SRGAP3: variants seen among roughly 807,000 people sequenced by gnomAD.
The protein encoded by SRGAP3 is SLIT-ROBO Rho GTPase-activating protein 3.
In SRGAP3, 39 loss-of-function variants were observed where a neutral mutation model predicts 121.1. The ratio of observed to expected loss-of-function variants is 0.32; its 90% confidence interval spans 0.25 to 0.42. SRGAP3 has a LOEUF of 0.42. SRGAP3 is among the 10% of genes least tolerant of loss of function. SRGAP3 has a pLI of 1.00. For synonymous variants in SRGAP3, 601 were observed against 570.0 expected, an observed-to-expected ratio of 1.05 and a Z score of -0.77; for missense variants, 1,213 against 1,470.6, an observed-to-expected ratio of 0.82 and a Z score of 2.86.
At position 9,261,440 on chromosome 3, in the gene SRGAP3, C is replaced by CT. The variant is rs375922481; in HGVS notation, n.442+64569dup. Reference sequence around the variant, plus strand: ...CATGTTCTAACTAAATGCAAGGAAACTAAGAACCTTGATAAAAGGTTACAG... The same window carrying CT: ...CATGTTCTAACTAAATGCAAGGAAACTTAAGAACCTTGATAAAAGGTTACAG... On this transcript the variant is annotated intron_variant and non_coding_transcript_variant, in intron 3 of 3. Coordinates refer to the SRGAP3 transcript ENST00000490889. 2.0e-3 allele frequency among the ~76,000 whole-genome samples: 305 copies of CT among 151,798 alleles called. 1 individual carries two copies. Among genetic ancestry groups the CT allele is most frequent in the African/African-American group, 6.9e-3 (285 of 41,402 alleles).
intron 1 of SRGAP3, among the ~76,000 whole-genome samples, chr3:9,140,221 G>C (rs1949801830): frequency 6.6e-6 from 1 of 151,986 alleles, no homozygotes; most frequent in Admixed American, 6.6e-5. Context: ...CTTGGATACG[G>C]CATAACTATG....
intron 3 of SRGAP3, among the ~76,000 whole-genome samples, chr3:9,284,547 T>G (rs1261722449): frequency 6.6e-6 from 1 of 152,160 alleles, no homozygotes; most frequent in African/African-American, 2.4e-5. Context: ...AAAATAGTTC[T>G]GGGCTGGGTG....
rs866945503 is a variant in SRGAP3, at chr3:9,218,694, G to C, written c.67+30191C>G. 1.3e-5 allele frequency: 2 copies of C among 151,560 alleles called. No homozygotes were observed. Among genetic ancestry groups the C allele is most frequent in the African/African-American group, 4.8e-5 (2 of 41,362 alleles). The allele number at this position is 151,560 out of a possible 1,614,324, so 9.4% of individuals were successfully genotyped here. On this transcript the variant is annotated intron_variant, in intron 1 of 21. Coordinates refer to ENST00000383836, the MANE Select transcript of SRGAP3 (RefSeq NM_014850.4). This position sits in a 1 kb window ranked among gnomAD's most constrained non-coding sequence, Gnocchi z 5.3. ...TTATTTATTTACTTTTTGAGATGGAGTCTCACTCTGTTGCCCAGGCTGGAG... is the reference window on the plus strand; with the variant it reads ...TTATTTATTTACTTTTTGAGATGGACTCTCACTCTGTTGCCCAGGCTGGAG...
chr3:9,044,931 A>G (rs1945186226), intron 10 of SRGAP3, among the ~76,000 whole-genome samples: 1 of 152,126 alleles, frequency 6.6e-6, no homozygotes, highest in Non-Finnish European at 1.5e-5. Flanking sequence ...ATCTACCTGT[A>G]TCTTTATCGT....
intron 2 of SRGAP3, among the ~76,000 whole-genome samples, chr3:9,123,756 A>ATGTGTGTGTG (rs1949112651): frequency 8.2e-6 from 1 of 122,220 alleles, no homozygotes; most frequent in Admixed American, 8.3e-5. Context: ...GTGTGTGTGT[A>ATGTGTGTGTG]TGTGTGTATA....
intron 1 of SRGAP3, among the ~76,000 whole-genome samples, chr3:9,181,311 C>G (rs1393367660): frequency 6.6e-6 from 1 of 152,114 alleles, no homozygotes; most frequent in Non-Finnish European, 1.5e-5. Context: ...AAGGGCCAGC[C>G]AAATGGGAAG....
At chr3:9,099,392 T>C (rs1432276453) in intron 3 of SRGAP3, among the ~76,000 whole-genome samples, 4 of 152,270 alleles carry the variant, frequency 2.6e-5, no homozygotes, top group African/African-American at 7.2e-5. Flanking sequence ...CATAGAATAA[T>C]GGATGGCTAT....
chr3:9,283,271 G>A (rs1226991962), intron 3 of SRGAP3, among the ~76,000 whole-genome samples: 2 of 152,134 alleles, frequency 1.3e-5, no homozygotes, highest in African/African-American at 4.8e-5. Context: ...GTTGCATGTA[G>A]AATCTGAAAC....
At chr3:9,010,173 T>C (rs1943291613) in intron 18 of SRGAP3, 135 bp downstream of exon 18, 5 of 1,069,696 alleles carry the variant, frequency 4.7e-6, no homozygotes, top group East Asian at 2.6e-5. Flanking sequence ...GGGGTCTTCG[T>C]CTATTCTGAA....
At chr3:9,136,326 G>GT (rs1949649742) in intron 1 of SRGAP3, among the ~76,000 whole-genome samples, 1 of 152,008 alleles carries the variant, frequency 6.6e-6, no homozygotes, top group Non-Finnish European at 1.5e-5. Flanking sequence ...CAGCGCCGGG[G>GT]CTGGAGGCAG....
chr3:9,112,635 G>A (rs1948671762), intron 2 of SRGAP3, among the ~76,000 whole-genome samples: 2 of 152,314 alleles, frequency 1.3e-5, no homozygotes. Flanking sequence ...GGGGAAGGCG[G>A]AGGGGAGGGA....
chr3:9,030,411 C>T (rs1944424885), intron 12 of SRGAP3, among the ~76,000 whole-genome samples: 1 of 152,206 alleles, frequency 6.6e-6, no homozygotes, highest in African/African-American at 2.4e-5. Flanking sequence ...TCGCAAAGCT[C>T]AGCTTCAAAC....
intron 2 of SRGAP3, among the ~76,000 whole-genome samples, chr3:9,123,131 C>T (rs989350000): frequency 6.6e-6 from 1 of 152,050 alleles, no homozygotes; most frequent in African/African-American, 2.4e-5. Context: ...CTACAGCAGT[C>T]GAATTCATAA....
chr3:9,139,101 C>T (rs1489066345), intron 1 of SRGAP3, among the ~76,000 whole-genome samples: 1 of 152,218 alleles, frequency 6.6e-6, no homozygotes. Context: ...CCCTTTTGTC[C>T]ATAGTTCTTC....
rs144000213 is a variant in SRGAP3, at chr3:9,170,352, T to G, written c.68-45435A>C. ...ATTTGGCTTGAATGAACTTTCTGTG[T>G]TTTTTTACGTGGAAAACACTCACAT... is the stretch of plus-strand genomic sequence containing the variant. On this transcript the variant is annotated intron_variant, in intron 1 of 21. Coordinates refer to ENST00000383836, the MANE Select transcript of SRGAP3 (RefSeq NM_014850.4). 3.5e-3 allele frequency among the ~76,000 whole-genome samples: 535 copies of G among 152,254 alleles called. 2 individuals are homozygous for G. The highest frequency in any genetic ancestry group is 0.013 in the African/African-American group (520 of 41,540).
At chr3:9,361,181 C>T (rs986559946) in intron 1 of SRGAP3, among the ~76,000 whole-genome samples, 1 of 152,190 alleles carries the variant, frequency 6.6e-6, no homozygotes, top group Non-Finnish European at 1.5e-5. Flanking sequence ...TAACTCATTA[C>T]AGCCTCAACC....
chr3:9,208,614 A>G (rs1044379392), intron 1 of SRGAP3, among the ~76,000 whole-genome samples: 39 of 152,252 alleles, frequency 2.6e-4, no homozygotes, highest in African/African-American at 8.7e-4. Flanking sequence ...CTCACCATAC[A>G]TGTACCTTGC....
Position 9,060,325 on chromosome 3 carries a change from C to T in SRGAP3, c.707G>A (p.Cys236Tyr), listed in dbSNP as rs976484171. ...QAKYSENKLK[C>Y]TKARNDYLLN... ...CAAGTAGTCATTCCGGGCCTTTGTG[C>T]ATTTCAGCTTGTTCTCAGAGTACTT... Residue 236 changes from cysteine to tyrosine, a missense_variant, in exon 6 of 22, where the codon TGC becomes TAC. Physicochemically the swap from Cys to Tyr is radical, Grantham distance 194 (BLOSUM62 -2). This residue lies in a region of SRGAP3 where 793 missense variants were observed against 1,032.9 expected (regional missense o/e 0.77). Coordinates refer to ENST00000383836, the MANE Select transcript of SRGAP3 (RefSeq NM_014850.4). 5.6e-6 allele frequency: 9 copies of T among 1,613,870 alleles called. No homozygotes were observed. The Middle Eastern group carries it at 6.6e-4, about 118-fold the overall frequency.
At chr3:9,172,527 A>G (rs1196334672) in intron 1 of SRGAP3, among the ~76,000 whole-genome samples, 2 of 152,154 alleles carry the variant, frequency 1.3e-5, no homozygotes, top group Non-Finnish European at 2.9e-5. Flanking sequence ...ATCCATTACC[A>G]ATACCTTCCC....
Sources: gnomAD v4.1 joint callset for allele counts (sites outside exome capture counted in the v4.1 genomes callset) on GRCh38, gnomAD v4.1.1 for gene constraint, gnomAD v4.1.1 regional missense constraint, Gnocchi (gnomAD v3.1) non-coding constraint, MANE v1.5 for transcripts, NCBI Gene and HGNC (gene_info 2026-07-23, HGNC 2026-07-21) for gene names.